TECTA: variants seen among roughly 807,000 people sequenced by gnomAD.
The protein encoded by TECTA is tectorin alpha.
A neutral mutation model predicts 216.8 loss-of-function variants in TECTA; 128 were observed. The ratio of observed to expected loss-of-function variants is 0.59; its 90% CI spans 0.51 to 0.68. TECTA has a LOEUF of 0.68. Among genes scored for constraint, TECTA ranks in the 30% least tolerant of loss-of-function variants. The pLI, the probability that TECTA is intolerant of heterozygous loss-of-function variation, is 0.00. For missense variants in TECTA, 2,551 were observed against 2,786.2 expected (o/e 0.92, Z 1.90); for synonymous variants, 1,089 against 1,117.1 (o/e 0.97, Z 0.50).
At position 121,168,703 on chromosome 11, in the gene TECTA, A is replaced by T. The variant is rs1473848008; in HGVS notation, c.5777A>T (p.Gln1926Leu). The change falls in exon 20 of 24, where the codon CAA becomes CTA. Residue 1926 changes from glutamine to leucine, a missense_variant. Gln to Leu is a moderately radical substitution (Grantham distance 113). Transcript: ENST00000392793. ...LSVINLTVPT[Q>L]EGSFITKMAL... is the part of the protein sequence containing the mutation. ...GTAATTAACCTGACAGTTCCAACCCAAGAAGGCAGCTTCATCACCAAGATG... is the reference window on the plus strand; with the variant it reads ...GTAATTAACCTGACAGTTCCAACCCTAGAAGGCAGCTTCATCACCAAGATG... The T allele has an allele frequency of 6.2e-7, 1 of 1,614,176 alleles. No homozygotes were observed. Among genetic ancestry groups the T allele is most frequent in the East Asian group, 2.2e-5 (1 of 44,890 alleles).
chr11:121,166,565 A>G lies in TECTA; in HGVS notation c.5384-13A>G. ...CTCCACTGATTTGCCTTTCGTAATA[A>G]CTGTTCCCACAGACTCACATGACAT... On this transcript the variant is annotated splice_polypyrimidine_tract_variant and intron_variant, in intron 17 of 23. Transcript: ENST00000392793. 6.2e-7 allele frequency: 1 copy of G among 1,614,090 alleles called. No individual in the cohort carries two copies. Among genetic ancestry groups the G allele is most frequent in the Admixed American group, 1.7e-5 (1 of 60,022 alleles).
chr11:121,127,945 C>A lies in TECTA; in HGVS notation c.1968C>A (p.Gly656=), dbSNP rs147246652. The change falls in exon 9 of 24, where the codon GGC becomes GGA. Residue 656 remains glycine (G), a synonymous_variant. Transcript: ENST00000392793. This position sits in a 1 kb window ranked among gnomAD's most constrained non-coding sequence, Gnocchi z 5.0. ...PLHKCGCDFD[G]HYYTMGEFFW... is the part of the protein sequence containing the mutation. ...ACAAGTGCGGCTGCGACTTCGACGG[C>A]CACTACTACACCATGGGGGAGTTCT... 2.4e-5 allele frequency: 39 copies of A among 1,614,180 alleles called. 1 individual carries two copies. In the African/African-American group the frequency reaches 4.8e-4, roughly 20 times the overall value.
intron 12 of TECTA, among the ~76,000 whole-genome samples, chr11:121,147,585 A>G (rs1463731109): frequency 6.6e-6 from 1 of 152,230 alleles, no homozygotes; most frequent in Non-Finnish European, 1.5e-5. Context: ...ATAAATCCCC[A>G]GGGCTACTCT....
chr11:121,131,647 C>T (rs988954356), intron 10 of TECTA, among the ~76,000 whole-genome samples: 2 of 152,136 alleles, frequency 1.3e-5, no homozygotes, highest in African/African-American at 4.8e-5. Flanking sequence ...AAAAACAAAC[C>T]CTGGAATCCA....
chr11:121,172,406 C>T (rs611231), intron 20 of TECTA, among the ~76,000 whole-genome samples: 71,969 of 150,918 alleles, frequency 0.48, 19,939 homozygotes, highest in African/African-American at 0.77. Context: ...TTCTCATTGT[C>T]CAGTTCCCAC....
At chr11:121,187,758 T>C (rs1947301407) in intron 20 of TECTA, 74 bp from the exon 21 acceptor site, 1 of 1,566,334 alleles carries the variant, frequency 6.4e-7, no homozygotes, top group African/African-American at 1.4e-5. Flanking sequence ...AAGTGAAATT[T>C]TGAACTGAAG....
intron 11 of TECTA, among the ~76,000 whole-genome samples, chr11:121,144,702 T>C (rs1946817069): frequency 6.6e-6 from 1 of 152,146 alleles, no homozygotes; most frequent in Non-Finnish European, 1.5e-5. Flanking sequence ...TTTAAAAATA[T>C]GTGGGAGGAA....
intron 20 of TECTA, among the ~76,000 whole-genome samples, chr11:121,175,683 A>T (rs1947158650): frequency 6.6e-6 from 1 of 152,156 alleles, no homozygotes. Context: ...TTTGGGGCGG[A>T]GAGTTCTGTA....
In TECTA at chr11:121,158,199, TC is replaced by T. The variant is rs764570434; in HGVS notation, c.4665del (p.Ile1556SerfsTer9). On this transcript the variant is annotated frameshift_variant, in exon 14 of 24. Transcript: ENST00000392793. LOFTEE classifies it high-confidence loss of function. ...TTCTACATTAACGAAGAGCAGATTC[TC>T]ATCAACGACCGGAACACGGTCAAGG... Reference protein sequence around the residue: ...VYFYINEEQILINDRNTVKVN... With the variant: ...VYFYINEEQIXINDRNTVKVN... The T allele has an allele frequency of 3.1e-6, 5 of 1,613,446 alleles. No individual in the cohort carries two copies. The highest frequency in any genetic ancestry group is 3.4e-6 in the Non-Finnish European group (4 of 1,180,030).
intron 10 of TECTA, among the ~76,000 whole-genome samples, chr11:121,134,523 G>A (rs1946706840): frequency 1.3e-5 from 2 of 152,066 alleles, no homozygotes; most frequent in South Asian, 4.1e-4. Context: ...AGCCTCCACG[G>A]CTTCTGTCGG....
chr11:121,189,680 C>A (rs1377919539), intron 22 of TECTA, 84 bp from the exon 23 acceptor site: 87 of 1,374,818 alleles, frequency 6.3e-5, no homozygotes, highest in Non-Finnish European at 8.7e-5. Context: ...AGCCTGTCCT[C>A]CTCTCTTTTT....
chr11:121,119,704 T>C (rs1436375565), intron 7 of TECTA, among the ~76,000 whole-genome samples: 2 of 152,196 alleles, frequency 1.3e-5, no homozygotes, highest in Non-Finnish European at 2.9e-5. Context: ...TTTATTTCTT[T>C]TTTAAAAAAA....
intron 2 of TECTA, among the ~76,000 whole-genome samples, chr11:121,103,201 T>G (rs1170925342): frequency 1.3e-5 from 2 of 152,188 alleles, no homozygotes; most frequent in Non-Finnish European, 2.9e-5. Flanking sequence ...AATCTAAAAC[T>G]TAAATAAGAC....
Position 121,137,469 on chromosome 11 carries a change from C to T in TECTA, c.2990C>T (p.Thr997Ile), listed in dbSNP as rs764764171. 2 of 1,613,938 alleles carry T rather than the reference C, an allele frequency of 1.2e-6. No individual in the cohort carries two copies. The highest frequency in any genetic ancestry group is 1.7e-6 in the Non-Finnish European group (2 of 1,179,980). ...CACTTTGAGGAGTGCATCACATGTA[C>T]AGAGACCTGTGAGACCCTTACCCTG... ...NSHFEECITC[T>I]ETCETLTLGP... Residue 997 changes from threonine to isoleucine, a missense_variant, in exon 11 of 24, where the codon ACA (threonine) becomes ATA (isoleucine). Transcript: ENST00000392793.
chr11:121,189,055 T>C (rs750506006), intron 21 of TECTA, 25 bp from the exon 22 acceptor site: 2 of 1,612,172 alleles, frequency 1.2e-6, no homozygotes, highest in Admixed American at 1.7e-5. Context: ...GTGTGAAAAT[T>C]TCCCCCTGGT....
chr11:121,189,484 C>G (rs1297103186), intron 22 of TECTA, among the ~76,000 whole-genome samples: 5 of 152,056 alleles, frequency 3.3e-5, no homozygotes, highest in African/African-American at 1.2e-4. Context: ...CGCCATTCTC[C>G]TGCCTCAGCC....
rs756057050 is a variant in TECTA, at chr11:121,145,578, G to A, written c.3567G>A (p.Leu1189=). The change falls in exon 12 of 24, where the codon CTG becomes CTA. Residue 1189 remains leucine (L), a synonymous_variant. Coordinates refer to ENST00000392793, the MANE Select transcript of TECTA (RefSeq NM_005422.4). ...AGGTCAACAGTGAACGGCTCTATCT[G>A]CCCCTGAAGCTGGGGCAAGGGAAGA... is the stretch of plus-strand genomic sequence containing the variant. ...TVLVNSERLY[L]PLKLGQGKIN... 5 of 1,614,180 alleles carry A rather than the reference G, an allele frequency of 3.1e-6. No individual in the cohort carries two copies. The highest frequency in any genetic ancestry group is 4.2e-6 in the Non-Finnish European group (5 of 1,180,034).
intron 10 of TECTA, among the ~76,000 whole-genome samples, chr11:121,131,912 G>A (rs529951394): frequency 1.3e-5 from 2 of 152,296 alleles, no homozygotes; most frequent in African/African-American, 2.4e-5. Flanking sequence ...CTCTGATGTT[G>A]GTTTGTCCCG....
intron 12 of TECTA, among the ~76,000 whole-genome samples, chr11:121,151,543 C>T (rs907218374): frequency 6.6e-6 from 1 of 152,232 alleles, no homozygotes; most frequent in Non-Finnish European, 1.5e-5. Context: ...TGTGCATACA[C>T]ACACACACAG....
Sources: gnomAD v4.1 joint callset for allele counts (sites outside exome capture counted in the v4.1 genomes callset) on GRCh38, gnomAD v4.1.1 for gene constraint, Gnocchi (gnomAD v3.1) non-coding constraint, MANE v1.5 for transcripts, NCBI Gene and HGNC (gene_info 2026-07-23, HGNC 2026-07-21) for gene names.